The following STAU1 variants were observed in gnomAD, a reference collection of about 807,000 sequenced individuals.
STAU1 encodes double-stranded RNA-binding protein Staufen homolog 1.
In STAU1, 13 loss-of-function variants were observed where a neutral mutation model predicts 62.9. The observed-to-expected ratio is 0.21, with a 90% CI of 0.13 to 0.33. The LOEUF (loss-of-function observed/expected upper bound fraction) is 0.33. STAU1 is among the 10% of genes least tolerant of loss of function. STAU1 has a pLI of 1.00. For synonymous variants in STAU1, 269 were observed against 265.1 expected (o/e 1.01, Z -0.14); for missense variants, 571 against 712.1 (o/e 0.80, Z 2.25).
the STAU1 span, among the ~76,000 whole-genome samples, chr20:49,200,556 G>A: frequency 1.3e-5 from 2 of 151,050 alleles, no homozygotes; most frequent in South Asian, 2.1e-4. Flanking sequence ...AGCCGAGATC[G>A]CACCACTGCA....
the STAU1 span, among the ~76,000 whole-genome samples, chr20:49,211,977 C>T: frequency 6.6e-6 from 1 of 152,212 alleles, no homozygotes; most frequent in East Asian, 1.9e-4. Context: ...TTCATATCTT[C>T]ATGAACAGTT....
the STAU1 span, among the ~76,000 whole-genome samples, chr20:49,195,898 CAAA>C: frequency 3.0e-5 from 1 of 33,874 alleles, no homozygotes; most frequent in Non-Finnish European, 5.1e-5. Flanking sequence ...AACTTCCTCT[CAAA>C]AAAAAAAAAA....
At chr20:49,187,746 T>C (rs1600923109) in intron 1 of STAU1, among the ~76,000 whole-genome samples, 2 of 141,150 alleles carry the variant, frequency 1.4e-5, no homozygotes, top group South Asian at 2.4e-4. Context: ...ACTGAGAGGC[T>C]CCAGCCCTCG....
chr20:49,161,107 C>T lies in STAU1; in HGVS notation c.205+4890G>A, dbSNP rs750701753. ...GCCAAGGCAGGCAGATTGTTTGAGCCCAGCAACTCAAAACAAGCCTGGGCA... is the reference window on the plus strand; with the variant it reads ...GCCAAGGCAGGCAGATTGTTTGAGCTCAGCAACTCAAAACAAGCCTGGGCA... On this transcript the variant is annotated intron_variant, in intron 3 of 13. Transcript: ENST00000371856. 3.7e-4 allele frequency among the ~76,000 whole-genome samples: 56 copies of T among 151,866 alleles called. 1 individual carries two copies. The highest frequency in any genetic ancestry group is 2.0e-4 in the Admixed American group (3 of 15,208).
the STAU1 span, among the ~76,000 whole-genome samples, chr20:49,201,358 G>A: frequency 1.3e-5 from 2 of 152,088 alleles, no homozygotes; most frequent in Non-Finnish European, 2.9e-5. Flanking sequence ...AATTAACTTT[G>A]GAAAATGTGT....
At chr20:49,205,973 T>C in the STAU1 span, among the ~76,000 whole-genome samples, 2 of 139,194 alleles carry the variant, frequency 1.4e-5, no homozygotes, top group East Asian at 2.2e-4. Context: ...CGTGTCCGGC[T>C]AATTTTCTTT....
chr20:49,123,966 A>C (rs2092531032), intron 7 of STAU1, among the ~76,000 whole-genome samples: 1 of 152,130 alleles, frequency 6.6e-6, no homozygotes, highest in East Asian at 1.9e-4. Flanking sequence ...GCACACAGCA[A>C]AATGTCTCAC....
chr20:49,135,594 G>A (rs542721995), intron 6 of STAU1, among the ~76,000 whole-genome samples: 2 of 152,176 alleles, frequency 1.3e-5, no homozygotes, highest in African/African-American at 4.8e-5. Flanking sequence ...GCTTCAGGAG[G>A]TCCACACACC....
intron 1 of STAU1, among the ~76,000 whole-genome samples, chr20:49,174,730 G>T (rs2093637828): frequency 6.6e-6 from 1 of 152,160 alleles, no homozygotes; most frequent in South Asian, 2.1e-4. Context: ...GAGGTCAGGA[G>T]ATCGAGACCA....
At chr20:49,173,922 T>TTG (rs2093628040) in intron 2 of STAU1, among the ~76,000 whole-genome samples, 1 of 152,224 alleles carries the variant, frequency 6.6e-6, no homozygotes, top group African/African-American at 2.4e-5. Flanking sequence ...ACCAAGAAGC[T>TTG]TATTGAGCCA....
At chr20:49,159,662 G>T (rs1203973762) in intron 3 of STAU1, among the ~76,000 whole-genome samples, 2 of 152,156 alleles carry the variant, frequency 1.3e-5, no homozygotes, top group Non-Finnish European at 2.9e-5. Flanking sequence ...CCAGGTTCAG[G>T]TGATTCTCCT....
intron 5 of STAU1, among the ~76,000 whole-genome samples, chr20:49,149,251 A>AACACACACACACACACACACAC (rs34854738): frequency 4.5e-5 from 6 of 131,940 alleles, no homozygotes; most frequent in South Asian, 2.8e-4. Flanking sequence ...ACTGTCTCAA[A>AACACACACACACACACACACAC]ACACACACAC....
intron 6 of STAU1, chr20:49,134,906 A>T: frequency 6.3e-7 from 1 of 1,591,732 alleles, no homozygotes; most frequent in Non-Finnish European, 8.6e-7. Context: ...GACTGGACTG[A>T]GACTTTGTGA....
intron 6 of STAU1, among the ~76,000 whole-genome samples, chr20:49,127,878 G>A (rs916122827): frequency 2.0e-5 from 3 of 150,036 alleles, no homozygotes; most frequent in Admixed American, 6.6e-5. Context: ...GGCTGGGCTC[G>A]GTGGCTCACG....
intron 5 of STAU1, 22 bp downstream of exon 5, chr20:49,151,560 G>T (rs1420046238): frequency 6.4e-7 from 1 of 1,569,580 alleles, no homozygotes; most frequent in Non-Finnish European, 8.6e-7. Flanking sequence ...AAGCGTCAGG[G>T]AGCCTGGGCT....
intron 2 of STAU1, among the ~76,000 whole-genome samples, chr20:49,169,474 G>GT (rs1195049058): frequency 6.6e-6 from 1 of 152,214 alleles, no homozygotes; most frequent in Non-Finnish European, 1.5e-5. Context: ...TTGCTCAACA[G>GT]TACTGTCCTG....
intron 6 of STAU1, among the ~76,000 whole-genome samples, chr20:49,134,291 C>T (rs2092819564): frequency 6.6e-6 from 1 of 151,922 alleles, no homozygotes; most frequent in African/African-American, 2.4e-5. Context: ...ATTAGCTCGG[C>T]ATGGTGGCGT....
intron 1 of STAU1, among the ~76,000 whole-genome samples, chr20:49,180,092 A>C (rs941393537): frequency 6.6e-6 from 1 of 152,240 alleles, no homozygotes; most frequent in Non-Finnish European, 1.5e-5. Flanking sequence ...AAAGTAAAAC[A>C]AAATTGTTCA....
Position 49,117,717 on chromosome 20 carries a change from G to A in STAU1, c.1509+60C>T. The A allele has an allele frequency of 6.6e-7, 1 of 1,504,802 alleles. No individual in the cohort carries two copies. Among genetic ancestry groups the A allele is most frequent in the Non-Finnish European group, 8.9e-7 (1 of 1,126,782 alleles). The allele number at this position is 1,504,802 out of a possible 1,614,324, so 93.2% of individuals were successfully genotyped here. Reference sequence around the variant, plus strand: ...ACAAAGTTCAAAGTTCATTTTCTGAGAGAAGCCAAAAGATGACTGTCCTGA... The same window carrying A: ...ACAAAGTTCAAAGTTCATTTTCTGAAAGAAGCCAAAAGATGACTGTCCTGA... On this transcript the variant is annotated intron_variant, in intron 11 of 13. Transcript: ENST00000371856. The surrounding 1 kb of genome is among the most constrained non-coding windows in gnomAD (Gnocchi z 4.6).
Sources: allele counts gnomAD v4.1 joint callset (sites outside exome capture counted in the v4.1 genomes callset), GRCh38; gene constraint gnomAD v4.1.1; non-coding constraint Gnocchi (gnomAD v3.1); transcripts MANE v1.5; gene names NCBI Gene and HGNC (gene_info 2026-07-23, HGNC 2026-07-21).